HIBCH: variants seen among roughly 807,000 people sequenced by gnomAD.
The protein encoded by HIBCH is 3-hydroxyisobutyryl-CoA hydrolase, mitochondrial.
HIBCH carries 50 observed loss-of-function variants against 58.2 expected under a neutral mutation model. The ratio of observed to expected loss-of-function variants is 0.86; its 90% CI spans 0.68 to 1.09. The LOEUF is 1.09. Among genes scored for constraint, HIBCH ranks in the 50% least tolerant of loss-of-function variants. The pLI, the probability that HIBCH is intolerant of heterozygous loss-of-function variation, is 0.00. For missense variants in HIBCH, 450 were observed against 449.7 expected (o/e 1.00, Z -0.01); for synonymous variants, 151 against 146.9 (o/e 1.03, Z -0.20).
intron 11 of HIBCH, among the ~76,000 whole-genome samples, chr2:190,218,103 A>G (rs1360222751): frequency 6.6e-6 from 1 of 151,478 alleles, no homozygotes; most frequent in Non-Finnish European, 1.5e-5. Flanking sequence ...CCCCCAAACT[A>G]TAAAATTTAA....
At chr2:190,242,441 T>A (rs1448640778) in intron 11 of HIBCH, among the ~76,000 whole-genome samples, 1 of 152,126 alleles carries the variant, frequency 6.6e-6, no homozygotes, top group Non-Finnish European at 1.5e-5. Flanking sequence ...CAAACTCATT[T>A]CCGTCCAGTT....
At chr2:190,221,833 T>G (rs1033590412) in intron 11 of HIBCH, among the ~76,000 whole-genome samples, 1 of 152,202 alleles carries the variant, frequency 6.6e-6, no homozygotes, top group African/African-American at 2.4e-5. Flanking sequence ...GAGAGGAATC[T>G]GGCCAGGGAT....
rs1260387326 is a variant in HIBCH, at chr2:190,237,903, G to A, written c.891+6984C>T. Among the ~76,000 whole-genome samples the A allele has an allele frequency of 2.6e-5, 4 of 151,604 alleles. No homozygotes were observed. The East Asian group carries it at 5.8e-4, about 22-fold the overall frequency. Reference sequence around the variant, plus strand: ...TTCTCACTGTTCAACTCCCACTTATGAGTGAGAACATGCAGTGTTTGGTTT... The same window carrying A: ...TTCTCACTGTTCAACTCCCACTTATAAGTGAGAACATGCAGTGTTTGGTTT... On this transcript the variant is annotated intron_variant, in intron 11 of 13. Coordinates refer to ENST00000359678, the MANE Select transcript of HIBCH (RefSeq NM_014362.4).
intron 2 of HIBCH, among the ~76,000 whole-genome samples, chr2:190,308,267 C>A (rs1688466307): frequency 6.6e-6 from 1 of 152,298 alleles, no homozygotes; most frequent in South Asian, 2.1e-4. Flanking sequence ...GTCACTGACA[C>A]TGCTCCTAGT....
At chr2:190,249,052 C>T (rs1686690439) in intron 9 of HIBCH, among the ~76,000 whole-genome samples, 1 of 152,046 alleles carries the variant, frequency 6.6e-6, no homozygotes, top group Admixed American at 6.6e-5. Context: ...TTTCAAGCTT[C>T]CAAAATACTA....
intron 7 of HIBCH, among the ~76,000 whole-genome samples, chr2:190,253,610 C>T (rs1686841719): frequency 6.6e-6 from 1 of 152,144 alleles, no homozygotes; most frequent in Admixed American, 6.5e-5. Flanking sequence ...TTGATTTTCC[C>T]TCTGAACTGT....
At chr2:190,319,808 CCTCGCGTGAGCCCCGCCCA>C in exon 1 of HIBCH, 1 of 1,582,572 alleles carries the variant, frequency 6.3e-7, no homozygotes, top group Non-Finnish European at 8.6e-7. Flanking sequence ...CGTTCCAGCG[CCTCGCGTGAGCCCCGCCCA>C]CCGCCGTCCT....
At chr2:190,262,748 T>C (rs925058030) in intron 6 of HIBCH, among the ~76,000 whole-genome samples, 1 of 152,236 alleles carries the variant, frequency 6.6e-6, no homozygotes, top group Non-Finnish European at 1.5e-5. Flanking sequence ...GGGTAACTGA[T>C]TCATTGATTC....
At chr2:190,288,904 G>T (rs930576498) in intron 5 of HIBCH, among the ~76,000 whole-genome samples, 20 of 152,228 alleles carry the variant, frequency 1.3e-4, no homozygotes, top group African/African-American at 4.8e-4. Context: ...CTAGGGTCAG[G>T]AGTTCGAGAG....
intron 1 of HIBCH, among the ~76,000 whole-genome samples, chr2:190,190,540 G>A (rs2690751): frequency 0.4 from 61,354 of 151,980 alleles, 14,487 homozygotes; most frequent in East Asian, 0.66. Context: ...TAAAATACCT[G>A]TGTTTCCATT....
intron 1 of HIBCH, among the ~76,000 whole-genome samples, chr2:190,314,315 ATATATGTATATATG>A (rs1688642339): frequency 8.4e-5 from 1 of 11,890 alleles, no homozygotes; most frequent in Non-Finnish European, 8.7e-4. Context: ...ATATGTGTAT[ATATATGTATATATG>A]TATATATACA....
At chr2:190,240,327 T>C (rs1686413099) in intron 11 of HIBCH, among the ~76,000 whole-genome samples, 1 of 152,224 alleles carries the variant, frequency 6.6e-6, no homozygotes, top group Non-Finnish European at 1.5e-5. Flanking sequence ...TTTGCATTTC[T>C]GTGGGATCGG....
At chr2:190,295,884 A>G (rs914728066) in intron 3 of HIBCH, among the ~76,000 whole-genome samples, 47 of 152,234 alleles carry the variant, frequency 3.1e-4, no homozygotes, top group African/African-American at 9.4e-4. Context: ...AAACATCTAC[A>G]TGGCAGACTG....
intron 2 of HIBCH, among the ~76,000 whole-genome samples, chr2:190,298,976 T>C (rs1317571669): frequency 6.6e-6 from 1 of 152,196 alleles, no homozygotes; most frequent in African/African-American, 2.4e-5. Flanking sequence ...TAGCCAGTTT[T>C]CCCAGCACCA....
At chr2:190,259,393 C>CTGTGTGTGTG (rs1680829728) in intron 7 of HIBCH, among the ~76,000 whole-genome samples, 1 of 143,442 alleles carries the variant, frequency 7.0e-6, no homozygotes, top group African/African-American at 2.5e-5. Flanking sequence ...TGGTCTGGCT[C>CTGTGTGTGTG]TATTGCCCAG....
intron 7 of HIBCH, among the ~76,000 whole-genome samples, chr2:190,257,280 T>G (rs1473702241): frequency 6.6e-6 from 1 of 152,180 alleles, no homozygotes; most frequent in Non-Finnish European, 1.5e-5. Flanking sequence ...ATCTTTAAAT[T>G]ACTGAAATTA....
At chr2:190,268,303 C>A (rs1342801153) in intron 6 of HIBCH, among the ~76,000 whole-genome samples, 2 of 152,214 alleles carry the variant, frequency 1.3e-5, no homozygotes, top group African/African-American at 4.8e-5. Flanking sequence ...CCCGAGCACT[C>A]TGACATTCAC....
At chr2:190,233,183 A>G (rs540168459) in intron 11 of HIBCH, among the ~76,000 whole-genome samples, 30 of 152,282 alleles carry the variant, frequency 2.0e-4, no homozygotes, top group Admixed American at 3.9e-4. Flanking sequence ...GATTTCTTAA[A>G]CAGGATATAA....
intron 11 of HIBCH, among the ~76,000 whole-genome samples, chr2:190,218,443 G>A (rs1254000144): frequency 6.6e-6 from 1 of 152,032 alleles, no homozygotes; most frequent in Non-Finnish European, 1.5e-5. Context: ...TCTCAGGAAG[G>A]GATTCCATGG....
Sources: allele counts gnomAD v4.1 joint callset (sites outside exome capture counted in the v4.1 genomes callset), GRCh38; gene constraint gnomAD v4.1.1; transcripts MANE v1.5; gene names NCBI Gene and HGNC (gene_info 2026-07-23, HGNC 2026-07-21).